Variants in BNC2 observed in about 807,000 individuals in gnomAD.
BNC2 encodes the protein zinc finger protein basonuclin-2.
Under a neutral mutation model 76.3 loss-of-function variants are expected in BNC2, and 20 were observed. The observed-to-expected ratio is 0.26, with a 90% confidence interval of 0.18 to 0.38. The LOEUF is 0.38. Among genes scored for constraint, BNC2 ranks in the 10% least tolerant of loss-of-function variants. BNC2 has a pLI of 1.00. For synonymous variants in BNC2, 582 were observed against 514.8 expected (o/e 1.13, Z -1.77); for missense variants, 1,382 against 1,399.8 (o/e 0.99, Z 0.20).
At chr9:16,544,941 T>C (rs1818434462) in intron 5 of BNC2, among the ~76,000 whole-genome samples, 1 of 152,174 alleles carries the variant, frequency 6.6e-6, no homozygotes, top group African/African-American at 2.4e-5. Flanking sequence ...ACTTTTAAAA[T>C]ATTCTTTGAT....
At chr9:16,501,250 AG>A (rs1340989392) in intron 5 of BNC2, among the ~76,000 whole-genome samples, 1 of 152,194 alleles carries the variant, frequency 6.6e-6, no homozygotes, top group Non-Finnish European at 1.5e-5. Flanking sequence ...TTCTGAAGGG[AG>A]TCTTTATTAT....
chr9:16,510,025 A>G (rs1822716617), intron 5 of BNC2, among the ~76,000 whole-genome samples: 1 of 152,224 alleles, frequency 6.6e-6, no homozygotes, highest in African/African-American at 2.4e-5. Context: ...GCAAATGGCT[A>G]AAAGACCTGT....
At chr9:16,864,356 G>A (rs148764024) in intron 1 of BNC2, among the ~76,000 whole-genome samples, 2,838 of 152,278 alleles carry the variant, frequency 0.019, 40 homozygotes, top group Middle Eastern at 0.078. Context: ...ACTAAAAATA[G>A]TTATGTTAGT....
chr9:16,598,750 C>A (rs1238069385), intron 3 of BNC2, among the ~76,000 whole-genome samples: 1 of 152,154 alleles, frequency 6.6e-6, no homozygotes, highest in African/African-American at 2.4e-5. Context: ...GTACCTGAAA[C>A]CCAAAATAGG....
chr9:16,468,498 C>T (rs1322730031), intron 5 of BNC2, among the ~76,000 whole-genome samples: 3 of 151,938 alleles, frequency 2.0e-5, no homozygotes, highest in African/African-American at 4.8e-5. Flanking sequence ...CAGGTTCAAG[C>T]AACTCTCCCG....
intron 1 of BNC2, among the ~76,000 whole-genome samples, chr9:16,870,083 G>C (rs1311131178): frequency 1.3e-5 from 2 of 152,154 alleles, no homozygotes; most frequent in African/African-American, 4.8e-5. Flanking sequence ...CATTTACCAC[G>C]GGAAGATTCC....
Position 16,634,064 on chromosome 9 carries a change from C to T in BNC2, c.331-50979G>A, listed in dbSNP as rs555139553. Among the ~76,000 whole-genome samples the T allele has an allele frequency of 4.6e-5, 7 of 152,274 alleles. No individual in the cohort carries two copies. In the East Asian group the frequency reaches 1.4e-3, roughly 29 times the overall value. On this transcript the variant is annotated intron_variant, in intron 3 of 6. Coordinates refer to ENST00000380672, the MANE Select transcript of BNC2 (RefSeq NM_017637.6). ...GCTTACCAGCTAATACAAGTGATTC[C>T]TAACTAGTACTTCTCTAAACAAACT... is the stretch of plus-strand genomic sequence containing the variant.
chr9:16,581,278 T>C lies in BNC2; in HGVS notation c.433+1705A>G, dbSNP rs537160979. Among the ~76,000 whole-genome samples, 7 of 152,232 alleles carry C rather than the reference T, an allele frequency of 4.6e-5. No individual in the cohort carries two copies. The East Asian group carries it at 1.2e-3, about 25-fold the overall frequency. ...ATCTGGATGCACAAGAAGACACCAGTGCTGGGCACAGTGGCTCACACCTAT... is the reference window on the plus strand; with the variant it reads ...ATCTGGATGCACAAGAAGACACCAGCGCTGGGCACAGTGGCTCACACCTAT... On this transcript the variant is annotated intron_variant, in intron 4 of 6. Coordinates refer to ENST00000380672, the MANE Select transcript of BNC2 (RefSeq NM_017637.6).
At chr9:16,860,417 C>A (rs1218871986) in intron 1 of BNC2, among the ~76,000 whole-genome samples, 2 of 152,094 alleles carry the variant, frequency 1.3e-5, no homozygotes, top group Non-Finnish European at 2.9e-5. Flanking sequence ...GACAAGGGTA[C>A]CCAGACACCT....
At chr9:16,699,258 T>C (rs1823437699) in intron 3 of BNC2, 2 of 468,398 alleles carry the variant, frequency 4.3e-6, no homozygotes, top group African/African-American at 2.0e-5. Flanking sequence ...AAGTCCCTTA[T>C]AGAAGCATGC....
At chr9:16,503,456 A>T (rs1481979014) in intron 5 of BNC2, among the ~76,000 whole-genome samples, 1 of 151,986 alleles carries the variant, frequency 6.6e-6, no homozygotes, top group Non-Finnish European at 1.5e-5. Context: ...TTTTTTTCTA[A>T]ATCAAAAATA....
intron 3 of BNC2, among the ~76,000 whole-genome samples, chr9:16,599,564 ACC>A (rs1413312273): frequency 1.3e-5 from 2 of 152,156 alleles, no homozygotes; most frequent in African/African-American, 4.8e-5. Flanking sequence ...TAGGTGGATC[ACC>A]TGAGGTCAGA....
intron 3 of BNC2, among the ~76,000 whole-genome samples, chr9:16,627,169 G>A (rs895920492): frequency 3.9e-5 from 6 of 152,184 alleles, no homozygotes; most frequent in Non-Finnish European, 7.3e-5. Flanking sequence ...ATGTAGTGAG[G>A]CATGAACGGT....
intron 6 of BNC2, among the ~76,000 whole-genome samples, chr9:16,432,525 T>C (rs1820927609): frequency 6.6e-6 from 1 of 152,206 alleles, no homozygotes; most frequent in South Asian, 2.1e-4. Context: ...TGTGTAAAAC[T>C]CCTCCAAGGT....
At chr9:16,735,865 C>G (rs1040167654) in intron 2 of BNC2, among the ~76,000 whole-genome samples, 1 of 151,934 alleles carries the variant, frequency 6.6e-6, no homozygotes, top group East Asian at 1.9e-4. Flanking sequence ...AAGCTTGCAG[C>G]CTCAGTAAAG....
intron 5 of BNC2, among the ~76,000 whole-genome samples, chr9:16,467,832 TAA>T (rs75993887): frequency 1.6e-4 from 18 of 113,742 alleles, no homozygotes; most frequent in African/African-American, 5.9e-4. Context: ...TAGAGTATAA[TAA>T]AAAAAAAAAA....
At chr9:16,629,934 T>C (rs1821112187) in intron 3 of BNC2, among the ~76,000 whole-genome samples, 1 of 152,208 alleles carries the variant, frequency 6.6e-6, no homozygotes, top group Non-Finnish European at 1.5e-5. Context: ...ATAGACGGTT[T>C]GCCGCATCAA....
At chr9:16,812,403 G>A (rs576457008) in intron 1 of BNC2, among the ~76,000 whole-genome samples, 3 of 152,306 alleles carry the variant, frequency 2.0e-5, no homozygotes, top group South Asian at 2.1e-4. Flanking sequence ...AGCTGGTCTC[G>A]TATCAAAAAG....
intron 5 of BNC2, among the ~76,000 whole-genome samples, chr9:16,481,008 C>T (rs1213774537): frequency 6.6e-6 from 1 of 152,190 alleles, no homozygotes; most frequent in African/African-American, 2.4e-5. Context: ...TTATGTCTAG[C>T]TCAGGGATTG....
Sources: allele counts gnomAD v4.1 joint callset (sites outside exome capture counted in the v4.1 genomes callset), GRCh38; gene constraint gnomAD v4.1.1; transcripts MANE v1.5; gene names NCBI Gene and HGNC (gene_info 2026-07-23, HGNC 2026-07-21).